FTO: variants seen among roughly 807,000 people sequenced by gnomAD.
FTO encodes the protein FTO alpha-ketoglutarate dependent dioxygenase, also known as alpha-ketoglutarate-dependent dioxygenase FTO.
A neutral mutation model predicts 63.9 loss-of-function variants in FTO; 47 were observed. The ratio of observed to expected loss-of-function variants is 0.74; its 90% CI spans 0.58 to 0.94. The LOEUF is 0.94. Among genes scored for constraint, FTO ranks in the 40% least tolerant of loss-of-function variants. The probability of loss-of-function intolerance (pLI) is 0.00; values close to 1 mark genes in which losing one functional copy is unlikely to be tolerated. For missense variants in FTO, 562 were observed against 618.1 expected (o/e 0.91, Z 0.96); for synonymous variants, 207 against 224.4 (o/e 0.92, Z 0.69).
chr16:54,033,738 G>A (rs945841934), intron 8 of FTO, among the ~76,000 whole-genome samples: 1 of 152,064 alleles, frequency 6.6e-6, no homozygotes, highest in Admixed American at 6.6e-5. Flanking sequence ...TATTGCTTAA[G>A]CCCAAAAGTT....
chr16:54,108,220 A>G (rs1466145717), intron 8 of FTO, among the ~76,000 whole-genome samples: 2 of 152,234 alleles, frequency 1.3e-5, no homozygotes, highest in Non-Finnish European at 2.9e-5. Flanking sequence ...GAGACTATGT[A>G]GAGTATTGTG....
At chr16:53,720,680 A>G (rs2151487751) in intron 1 of FTO, among the ~76,000 whole-genome samples, 1 of 148,502 alleles carries the variant, frequency 6.7e-6, no homozygotes, top group East Asian at 2.0e-4. Flanking sequence ...TAAAAGATAT[A>G]TATATATCTG....
chr16:54,067,887 G>A (rs1199859785), intron 8 of FTO, among the ~76,000 whole-genome samples: 2 of 152,212 alleles, frequency 1.3e-5, no homozygotes, highest in African/African-American at 4.8e-5. Flanking sequence ...AGGCTAAGCA[G>A]CTCTGTGTTT....
intron 1 of FTO, among the ~76,000 whole-genome samples, chr16:53,744,223 A>G (rs1598547799): frequency 6.6e-6 from 1 of 152,192 alleles, no homozygotes; most frequent in East Asian, 1.9e-4. Flanking sequence ...AGCTCATAGA[A>G]TGGAACATTC....
At chr16:53,991,651 A>G (rs1221445288) in intron 8 of FTO, 1 of 152,194 alleles carries the variant, frequency 6.6e-6, no homozygotes, top group African/African-American at 2.4e-5. Flanking sequence ...TATGTTTTTG[A>G]TAACTGCTTG....
At chr16:53,949,269 A>G (rs2082717675) in intron 8 of FTO, among the ~76,000 whole-genome samples, 1 of 152,246 alleles carries the variant, frequency 6.6e-6, no homozygotes, top group Non-Finnish European at 1.5e-5. Context: ...AAGCTTGAAC[A>G]AAGATGTCAT....
intron 3 of FTO, among the ~76,000 whole-genome samples, chr16:53,833,205 T>C (rs2111649): frequency 0.46 from 69,587 of 152,094 alleles, 16,452 homozygotes; most frequent in East Asian, 0.58. Flanking sequence ...TTTTGCCTCC[T>C]GCCATGATTC....
At chr16:54,095,486 T>C (rs1331390583) in intron 8 of FTO, among the ~76,000 whole-genome samples, 2 of 152,032 alleles carry the variant, frequency 1.3e-5, no homozygotes, top group Admixed American at 6.5e-5. Flanking sequence ...AGAACACTTA[T>C]CTCTAGCAGA....
At chr16:54,088,320 A>G (rs923113656) in intron 8 of FTO, among the ~76,000 whole-genome samples, 13 of 152,202 alleles carry the variant, frequency 8.5e-5, no homozygotes, top group African/African-American at 3.1e-4. Flanking sequence ...CTATTCTTTC[A>G]GAGAAGTCCA....
At chr16:53,879,715 G>T in intron 5 of FTO, 129 bp from the exon 6 acceptor site, 6 of 795,268 alleles carry the variant, frequency 7.5e-6, no homozygotes, top group Non-Finnish European at 1.2e-5. Context: ...AAAAAAAAAG[G>T]AGTATAGACT....
chr16:53,878,047 C>A (rs1197803063), intron 5 of FTO, among the ~76,000 whole-genome samples: 3 of 152,050 alleles, frequency 2.0e-5, no homozygotes, highest in African/African-American at 7.2e-5. Flanking sequence ...GCCTGTAATC[C>A]CAGCACTTTG....
intron 4 of FTO, among the ~76,000 whole-genome samples, chr16:53,859,253 A>G (rs1240399470): frequency 1.3e-5 from 2 of 152,040 alleles, no homozygotes; most frequent in Non-Finnish European, 2.9e-5. Flanking sequence ...AGCCACTTCA[A>G]CCTCCAATTT....
chr16:54,108,446 G>A lies in FTO; in HGVS notation c.1365-3316G>A, dbSNP rs373534738. The stretch of plus-strand genomic sequence containing the variant: ...GGTCTTGGAATGTCAAAATGTGATA[G>A]GATCCAGCCTTAGGTGCAATTTGAT... On this transcript the variant is annotated intron_variant, in intron 8 of 8. Coordinates refer to ENST00000471389, the MANE Select transcript of FTO (RefSeq NM_001080432.3). Among the ~76,000 whole-genome samples the A allele has an allele frequency of 1.6e-4, 25 of 152,276 alleles. No individual in the cohort carries two copies. The East Asian group carries it at 1.9e-3, about 12-fold the overall frequency.
intron 7 of FTO, among the ~76,000 whole-genome samples, chr16:53,924,044 T>C (rs1371013506): frequency 3.3e-5 from 5 of 152,192 alleles, no homozygotes. Flanking sequence ...GCTGTGATAT[T>C]TTAGGATTTT....
At position 54,115,066 on chromosome 16, in the gene FTO, T is replaced by C. The variant is rs1206071224; in HGVS notation, c.*3151T>C. Reference sequence around the variant, plus strand: ...GGGTCAAAGGAAGGCTTGCTTCTGCTGTGAATTGGAGAAGGACTTTCCTGG... The same window carrying C: ...GGGTCAAAGGAAGGCTTGCTTCTGCCGTGAATTGGAGAAGGACTTTCCTGG... On this transcript the variant is annotated 3_prime_UTR_variant, in exon 9 of 9. Coordinates refer to ENST00000471389, the MANE Select transcript of FTO (RefSeq NM_001080432.3). 6.6e-6 allele frequency: 1 copy of C among 152,226 alleles called. No homozygotes were observed. The highest frequency in any genetic ancestry group is 1.5e-5 in the Non-Finnish European group (1 of 68,076). The allele number at this position is 152,226 out of a possible 1,614,324, so 9.4% of individuals were successfully genotyped here.
At chr16:53,920,639 C>T (rs541436990) in intron 7 of FTO, among the ~76,000 whole-genome samples, 11 of 152,206 alleles carry the variant, frequency 7.2e-5, no homozygotes, top group African/African-American at 2.4e-4. Context: ...GTATGGAACG[C>T]GTCCCTTGTG....
chr16:53,800,701 G>C (rs1235370824), intron 1 of FTO, among the ~76,000 whole-genome samples: 1 of 151,996 alleles, frequency 6.6e-6, no homozygotes, highest in African/African-American at 2.4e-5. Flanking sequence ...TTGATGATTT[G>C]ACTCCTTTAT....
intron 7 of FTO, among the ~76,000 whole-genome samples, chr16:53,900,464 G>T (rs887514851): frequency 6.6e-6 from 1 of 152,052 alleles, no homozygotes; most frequent in South Asian, 2.1e-4. Context: ...TTGCATTTCA[G>T]TTTTTATTAT....
chr16:53,905,194 G>A (rs1162705568), intron 7 of FTO, among the ~76,000 whole-genome samples: 3 of 152,174 alleles, frequency 2.0e-5, no homozygotes, highest in Admixed American at 2.0e-4. Context: ...TATGACCCAT[G>A]TGATCAGCCA....
Sources: gnomAD v4.1 joint callset for allele counts (sites outside exome capture counted in the v4.1 genomes callset) on GRCh38, gnomAD v4.1.1 for gene constraint, MANE v1.5 for transcripts, NCBI Gene and HGNC (gene_info 2026-07-23, HGNC 2026-07-21) for gene names.